The following TSPAN18 variants were observed in gnomAD, a reference collection of about 807,000 sequenced individuals.
TSPAN18 encodes tetraspanin-18.
A neutral mutation model predicts 27.3 loss-of-function variants in TSPAN18; 14 were observed. The observed-to-expected ratio is 0.51, with a 90% CI of 0.34 to 0.80. The LOEUF (loss-of-function observed/expected upper bound fraction) is 0.80, where lower values mean the gene tolerates loss of function less well. Among genes scored for constraint, TSPAN18 ranks in the 30% least tolerant of loss-of-function variants. The pLI, the probability that TSPAN18 is intolerant of heterozygous loss-of-function variation, is 0.01. For synonymous variants in TSPAN18, 143 were observed against 136.5 expected (o/e 1.05, Z -0.33); for missense variants, 268 against 323.9 (o/e 0.83, Z 1.32).
intron 9 of TSPAN18, among the ~76,000 whole-genome samples, chr11:44,927,586 G>C (rs1860412648): frequency 6.6e-6 from 1 of 152,224 alleles, no homozygotes. Context: ...GCAGATGGCG[G>C]AGAGGGAGGG....
intron 3 of TSPAN18, among the ~76,000 whole-genome samples, chr11:44,861,426 CG>C (rs1056180593): frequency 1.4e-5 from 1 of 71,726 alleles, no homozygotes; most frequent in Admixed American, 1.8e-4. Flanking sequence ...GGGAGGTGGT[CG>C]GGGCTGTGGG....
chr11:44,906,345 G>C lies in TSPAN18; in HGVS notation c.-10-62G>C. ...GGCTGCGGGGAACCCCTGGGGAGGGGCTGGGGTTCTTCCTGGGTGGGGTCC... is the reference window on the plus strand; with the variant it reads ...GGCTGCGGGGAACCCCTGGGGAGGGCCTGGGGTTCTTCCTGGGTGGGGTCC... On this transcript the variant is annotated intron_variant, in intron 3 of 9. Transcript: ENST00000520358. The C allele has an allele frequency of 4.0e-6, 6 of 1,483,560 alleles. 1 individual carries two copies. In the South Asian group the frequency reaches 5.6e-5, roughly 14 times the overall value. The allele number at this position is 1,483,560 out of a possible 1,614,324, so 91.9% of individuals were successfully genotyped here.
chr11:44,906,276 A>G (rs978754769), intron 3 of TSPAN18, 131 bp from the exon 4 acceptor site: 3 of 822,704 alleles, frequency 3.6e-6, no homozygotes, highest in Middle Eastern at 3.4e-4. Context: ...GCTCATCTCT[A>G]TCATCGGCCT....
chr11:44,846,557 A>C (rs752055424), intron 2 of TSPAN18, among the ~76,000 whole-genome samples: 2 of 151,752 alleles, frequency 1.3e-5, no homozygotes, highest in Non-Finnish European at 2.9e-5. Context: ...TAACAGAAAC[A>C]GTCTGCTCTG....
At chr11:44,798,471 A>G (rs1444435593) in intron 2 of TSPAN18, among the ~76,000 whole-genome samples, 1 of 152,202 alleles carries the variant, frequency 6.6e-6, no homozygotes. Context: ...GCTCCAGTGC[A>G]TTCCTTCCCC....
At chr11:44,763,060 G>C (rs1855489694) in intron 1 of TSPAN18, among the ~76,000 whole-genome samples, 1 of 152,220 alleles carries the variant, frequency 6.6e-6, no homozygotes, top group Admixed American at 6.5e-5. Flanking sequence ...CCTTGGGCAA[G>C]TTATTTAACT....
chr11:44,850,704 A>T (rs1003846205), intron 2 of TSPAN18, among the ~76,000 whole-genome samples: 1 of 152,140 alleles, frequency 6.6e-6, no homozygotes, highest in South Asian at 2.1e-4. Flanking sequence ...CACATAAGGT[A>T]TCTAAGGTCA....
chr11:44,737,182 G>A (rs1333383661), intron 1 of TSPAN18, among the ~76,000 whole-genome samples: 1 of 152,212 alleles, frequency 6.6e-6, no homozygotes, highest in South Asian at 2.1e-4. Context: ...GCATGGGGAG[G>A]CCATAGCACC....
intron 1 of TSPAN18, among the ~76,000 whole-genome samples, chr11:44,728,395 C>CTGATCACATTACTTGTCT (rs1854571309): frequency 6.6e-6 from 1 of 152,144 alleles, no homozygotes; most frequent in Non-Finnish European, 1.5e-5. Context: ...ACCCAAACCC[C>CTGATCACATTACTTGTCT]AAAATGCATG....
intron 1 of TSPAN18, among the ~76,000 whole-genome samples, chr11:44,741,447 A>ATG (rs58865710): frequency 0.029 from 4,239 of 147,444 alleles, 58 homozygotes; most frequent in African/African-American, 0.043. Flanking sequence ...TCAGACATGT[A>ATG]TGTGTGTGTG....
Position 44,834,965 on chromosome 11 carries a change from T to G in TSPAN18, c.-152-25363T>G, listed in dbSNP as rs534204183. On this transcript the variant is annotated intron_variant, in intron 2 of 9. Transcript: ENST00000520358. ...CTCTTGCTGATCCCACAGGGAAACC[T>G]GTAAGTTTCTGTTAACTTGAGAGGA... is the stretch of plus-strand genomic sequence containing the variant. 8.1e-4 allele frequency among the ~76,000 whole-genome samples: 124 copies of G among 152,332 alleles called. 1 individual carries two copies. The highest frequency in any genetic ancestry group is 2.9e-3 in the African/African-American group (120 of 41,576).
chr11:44,841,236 G>A (rs966448082), intron 2 of TSPAN18, among the ~76,000 whole-genome samples: 2 of 152,198 alleles, frequency 1.3e-5, no homozygotes, highest in African/African-American at 4.8e-5. Context: ...ACTGCATGTG[G>A]CCAGGCGTGG....
chr11:44,900,426 G>T (rs922083674), intron 3 of TSPAN18, among the ~76,000 whole-genome samples: 5 of 152,206 alleles, frequency 3.3e-5, no homozygotes, highest in African/African-American at 1.2e-4. Context: ...TAAGACAGGC[G>T]TGGGTTCAAA....
rs1479045992 is a variant in TSPAN18 at position 44,748,987 on chromosome 11, T to C, written c.-239-15439T>C. On this transcript the variant is annotated intron_variant, in intron 1 of 9. Transcript: ENST00000520358. The stretch of plus-strand genomic sequence containing the variant: ...GTTAAGTGTGGATCCATTCCCATTT[T>C]TGGGATGATAAGACTGGTGCATGGT... 5.3e-5 allele frequency among the ~76,000 whole-genome samples: 8 copies of C among 152,062 alleles called. No homozygotes were observed. In the East Asian group the frequency reaches 1.3e-3, roughly 26 times the overall value.
chr11:44,844,283 T>C (rs1857436009), intron 2 of TSPAN18, among the ~76,000 whole-genome samples: 1 of 152,218 alleles, frequency 6.6e-6, no homozygotes, highest in Non-Finnish European at 1.5e-5. Flanking sequence ...GTTTCCTTTT[T>C]TTTTTGGTGC....
intron 1 of TSPAN18, among the ~76,000 whole-genome samples, chr11:44,755,467 A>AC (rs1855309673): frequency 3.3e-5 from 5 of 151,716 alleles, no homozygotes; most frequent in East Asian, 3.9e-4. Flanking sequence ...GTGCAGGTGG[A>AC]GAGCCCGGCA....
At chr11:44,924,709 G>T (rs10742733) in intron 8 of TSPAN18, among the ~76,000 whole-genome samples, 1 of 147,820 alleles carries the variant, frequency 6.8e-6, no homozygotes, top group South Asian at 2.2e-4. Flanking sequence ...TGCTGTTATA[G>T]TTCTGCATTT....
chr11:44,897,901 C>T, intron 3 of TSPAN18: 1 of 1,269,556 alleles, frequency 7.9e-7, no homozygotes, highest in Non-Finnish European at 1.0e-6. Context: ...CCCATCTCCA[C>T]TCTGATCCTT....
intron 2 of TSPAN18, among the ~76,000 whole-genome samples, chr11:44,786,213 G>T (rs773775772): frequency 1.1e-4 from 17 of 152,382 alleles, no homozygotes; most frequent in Non-Finnish European, 2.1e-4. Context: ...GGCTGGGCAT[G>T]TGTTGTATCT....
Sources: allele counts gnomAD v4.1 joint callset (sites outside exome capture counted in the v4.1 genomes callset), GRCh38; gene constraint gnomAD v4.1.1; transcripts MANE v1.5; gene names NCBI Gene and HGNC (gene_info 2026-07-23, HGNC 2026-07-21).